TLCD4: variants seen among roughly 807,000 people sequenced by gnomAD.
TLCD4 encodes the protein TLC domain-containing protein 4.
A neutral mutation model predicts 24.2 loss-of-function variants in TLCD4; 7 were observed. That is an observed-to-expected ratio of 0.29 (90% CI 0.16 to 0.54). TLCD4 has a LOEUF of 0.54. TLCD4 is among the 20% of genes least tolerant of loss of function. The pLI, the probability that TLCD4 is intolerant of heterozygous loss-of-function variation, is 0.95. For missense variants in TLCD4, 259 were observed against 313.9 expected (o/e 0.82, Z 1.32); for synonymous variants, 103 against 106.4 (o/e 0.97, Z 0.20).
At chr1:95,150,763 A>T (rs939879450) in intron 4 of TLCD4, among the ~76,000 whole-genome samples, 4 of 149,024 alleles carry the variant, frequency 2.7e-5, no homozygotes, top group Non-Finnish European at 4.5e-5. Flanking sequence ...TTTTATTTTT[A>T]AAATATTTTT....
chr1:95,162,461 C>T (rs1279138895), intron 5 of TLCD4, among the ~76,000 whole-genome samples: 4 of 151,680 alleles, frequency 2.6e-5, no homozygotes, highest in Admixed American at 6.6e-5. Flanking sequence ...ATCCAATTTG[C>T]CAGTCTGTGT....
At chr1:95,181,921 C>T (rs935023912) in intron 6 of TLCD4, among the ~76,000 whole-genome samples, 1 of 152,010 alleles carries the variant, frequency 6.6e-6, no homozygotes, top group Non-Finnish European at 1.5e-5. Context: ...ACCTGGCAGG[C>T]CTTCAATCTT....
chr1:95,121,678 C>T (rs1451763573), intron 1 of TLCD4, among the ~76,000 whole-genome samples: 1 of 152,196 alleles, frequency 6.6e-6, no homozygotes, highest in East Asian at 1.9e-4. Flanking sequence ...ACCGTGTTGG[C>T]CAGGCTGGTC....
intron 6 of TLCD4, among the ~76,000 whole-genome samples, chr1:95,174,550 C>T (rs1485330480): frequency 2.0e-5 from 3 of 149,482 alleles, no homozygotes; most frequent in Admixed American, 6.7e-5. Flanking sequence ...TAGCTGGGCA[C>T]GATGGTGCTT....
chr1:95,190,466 T>G (rs552417997), intron 6 of TLCD4, among the ~76,000 whole-genome samples: 1 of 152,098 alleles, frequency 6.6e-6, no homozygotes, highest in African/African-American at 2.4e-5. Context: ...GTAGCTGGGA[T>G]TACAGGTGCC....
chr1:95,195,224 G>A lies in TLCD4; in HGVS notation c.*3356G>A, dbSNP rs1557702875. 6.6e-6 allele frequency: 1 copy of A among 152,176 alleles called. No homozygotes were observed. Among genetic ancestry groups the A allele is most frequent in the Non-Finnish European group, 1.5e-5 (1 of 68,024 alleles). 9.4% of individuals were successfully genotyped at this position (152,176 alleles called of 1,614,324 possible). On this transcript the variant is annotated 3_prime_UTR_variant, in exon 7 of 7. Transcript: ENST00000370203. ...ATTTGGAGAATGGTTCTTCACTGGT[G>A]TAGAGAGCCAGGTTTACTGTTGGTT... is the stretch of plus-strand genomic sequence containing the variant.
chr1:95,135,179 A>C (rs1677008768), intron 1 of TLCD4, among the ~76,000 whole-genome samples: 2 of 152,136 alleles, frequency 1.3e-5, no homozygotes, highest in Admixed American at 6.5e-5. Flanking sequence ...ACCAAAATTA[A>C]ATTCAATTTT....
At chr1:95,174,405 C>A (rs1183920381) in intron 6 of TLCD4, among the ~76,000 whole-genome samples, 4 of 150,256 alleles carry the variant, frequency 2.7e-5, no homozygotes, top group African/African-American at 9.8e-5. Flanking sequence ...CTCAGGGGCT[C>A]ACGTCTATAA....
At chr1:95,175,410 A>G (rs1021500879) in intron 6 of TLCD4, among the ~76,000 whole-genome samples, 1 of 152,200 alleles carries the variant, frequency 6.6e-6, no homozygotes, top group African/African-American at 2.4e-5. Flanking sequence ...TTGTATGTGT[A>G]ACACATTTTC....
At chr1:95,145,678 C>A (rs1264128539) in intron 2 of TLCD4, among the ~76,000 whole-genome samples, 1 of 152,068 alleles carries the variant, frequency 6.6e-6, no homozygotes, top group Non-Finnish European at 1.5e-5. Context: ...ATTTTCATTT[C>A]CTCTTTCCTG....
rs140543129 is a variant in TLCD4, at chr1:95,130,789, G to A, written c.-11-13102G>A. ...TAAGAATGTTAAAGTACAATTACAG[G>A]TTGTACATGAAACTTTTGAATGTAT... On this transcript the variant is annotated intron_variant, in intron 1 of 6. Coordinates refer to ENST00000370203, the MANE Select transcript of TLCD4 (RefSeq NM_152487.3). Among the ~76,000 whole-genome samples the A allele has an allele frequency of 2.7e-4, 41 of 152,238 alleles. No homozygotes were observed. In the East Asian group the frequency reaches 7.3e-3, roughly 27 times the overall value.
intron 5 of TLCD4, among the ~76,000 whole-genome samples, chr1:95,158,574 A>G (rs531576611): frequency 1.3e-5 from 2 of 152,074 alleles, no homozygotes; most frequent in African/African-American, 4.8e-5. Context: ...TTTGTTACAT[A>G]TGTATACATG....
intron 4 of TLCD4, 128 bp from the exon 5 acceptor site, chr1:95,151,197 G>A: frequency 1.1e-6 from 1 of 889,444 alleles, no homozygotes; most frequent in Non-Finnish European, 1.8e-6. Context: ...GACTAACTGA[G>A]GGATGAACAA....
At chr1:95,142,120 G>T (rs1336439738) in intron 1 of TLCD4, among the ~76,000 whole-genome samples, 1 of 126,100 alleles carries the variant, frequency 7.9e-6, no homozygotes, top group Non-Finnish European at 1.6e-5. Flanking sequence ...ATGAGCAAAT[G>T]CCTTAGTGCC....
chr1:95,158,494 CATTTATTT>C (rs71097251), intron 5 of TLCD4, among the ~76,000 whole-genome samples: 33,068 of 150,554 alleles, frequency 0.22, 4,515 homozygotes, highest in Middle Eastern at 0.37. Flanking sequence ...CTTGATACTT[CATTTATTT>C]ATTTATTTAT....
chr1:95,130,638 A>G (rs925593004), intron 1 of TLCD4, among the ~76,000 whole-genome samples: 1 of 152,194 alleles, frequency 6.6e-6, no homozygotes, highest in Non-Finnish European at 1.5e-5. Context: ...TAAATAGCTC[A>G]TCTTCTGCAG....
At chr1:95,096,985 ACTCTG>A in the TLCD4 span, among the ~76,000 whole-genome samples, 1 of 151,782 alleles carries the variant, frequency 6.6e-6, no homozygotes, top group Non-Finnish European at 1.5e-5. Context: ...CCATGAAGTT[ACTCTG>A]CCATCCCTTT....
chr1:95,123,929 G>A (rs984610408), intron 1 of TLCD4, among the ~76,000 whole-genome samples: 5 of 152,014 alleles, frequency 3.3e-5, no homozygotes, highest in Admixed American at 6.6e-5. Flanking sequence ...TTTATAATTC[G>A]GGTAACACAG....
chr1:95,141,909 C>T (rs374604038), intron 1 of TLCD4, among the ~76,000 whole-genome samples: 3 of 151,538 alleles, frequency 2.0e-5, no homozygotes, highest in East Asian at 1.9e-4. Context: ...ATTCTTATTA[C>T]GATATCCTGG....
Sources: allele counts gnomAD v4.1 joint callset (sites outside exome capture counted in the v4.1 genomes callset), GRCh38; gene constraint gnomAD v4.1.1; transcripts MANE v1.5; gene names NCBI Gene and HGNC (gene_info 2026-07-23, HGNC 2026-07-21).